ADAMTS19: variants seen among roughly 807,000 people sequenced by gnomAD.
ADAMTS19 encodes the protein ADAM metallopeptidase with thrombospondin type 1 motif 19.
ADAMTS19 carries 93 observed loss-of-function variants against 153.3 expected under a neutral mutation model. The observed-to-expected ratio is 0.61, with a 90% confidence interval of 0.51 to 0.72. The LOEUF is 0.72. Among genes scored for constraint, ADAMTS19 ranks in the 30% least tolerant of loss-of-function variants. The pLI, the probability that ADAMTS19 is intolerant of heterozygous loss-of-function variation, is 0.00. For missense variants in ADAMTS19, 1,482 were observed against 1,552.1 expected, an observed-to-expected ratio of 0.95 and a Z score of 0.76; for synonymous variants, 600 against 556.6, an observed-to-expected ratio of 1.08 and a Z score of -1.10.
At chr5:129,735,738 T>C (rs1030216418) in intron 22 of ADAMTS19, among the ~76,000 whole-genome samples, 1 of 152,034 alleles carries the variant, frequency 6.6e-6, no homozygotes, top group Non-Finnish European at 1.5e-5. Context: ...TAACCCATAA[T>C]TGAGAATTAG....
chr5:129,606,493 C>T (rs1054213801), intron 8 of ADAMTS19, among the ~76,000 whole-genome samples: 7 of 152,202 alleles, frequency 4.6e-5, no homozygotes, highest in Admixed American at 3.3e-4. Context: ...GGCTTGGACT[C>T]TTGCAGTATC....
chr5:129,722,288 C>G (rs904280387), intron 21 of ADAMTS19, among the ~76,000 whole-genome samples: 2 of 152,128 alleles, frequency 1.3e-5, no homozygotes, highest in African/African-American at 4.8e-5. Flanking sequence ...TTAATAATCA[C>G]CATTCTGACT....
intron 16 of ADAMTS19, among the ~76,000 whole-genome samples, chr5:129,672,934 T>TACA (rs1482493092): frequency 6.6e-6 from 1 of 152,122 alleles, no homozygotes; most frequent in Non-Finnish European, 1.5e-5. Context: ...TGGTAACTGT[T>TACA]ATCTTTAAGA....
At chr5:129,481,316 C>T (rs369544080) in intron 2 of ADAMTS19, among the ~76,000 whole-genome samples, 4 of 152,092 alleles carry the variant, frequency 2.6e-5, no homozygotes, top group African/African-American at 7.2e-5. Context: ...CTTGTGAGAA[C>T]GCCTTCACTA....
intron 9 of ADAMTS19, among the ~76,000 whole-genome samples, chr5:129,621,192 C>T (rs894001697): frequency 6.6e-6 from 1 of 152,080 alleles, no homozygotes; most frequent in African/African-American, 2.4e-5. Flanking sequence ...AAATAGTTTC[C>T]ACCATTATCA....
At chr5:129,489,779 A>G (rs146615626) in intron 2 of ADAMTS19, among the ~76,000 whole-genome samples, 129 of 152,210 alleles carry the variant, frequency 8.5e-4, no homozygotes, top group African/African-American at 3.0e-3. Flanking sequence ...TCCTCAAGTA[A>G]CTTGCTATGT....
intron 7 of ADAMTS19, among the ~76,000 whole-genome samples, chr5:129,579,404 T>C (rs1380688768): frequency 6.6e-6 from 1 of 152,228 alleles, no homozygotes; most frequent in East Asian, 1.9e-4. Context: ...TTCACTCTGA[T>C]GGTAGTTTCT....
intron 10 of ADAMTS19, among the ~76,000 whole-genome samples, chr5:129,637,183 C>A (rs1194688888): frequency 6.6e-6 from 1 of 152,102 alleles, no homozygotes; most frequent in Non-Finnish European, 1.5e-5. Flanking sequence ...TTTAATTATA[C>A]AGAAATTAAT....
intron 7 of ADAMTS19, among the ~76,000 whole-genome samples, chr5:129,559,719 C>A (rs1054138617): frequency 1.3e-5 from 2 of 152,084 alleles, no homozygotes; most frequent in Non-Finnish European, 2.9e-5. Flanking sequence ...ATATCCAAGT[C>A]CAAAGTTTAT....
At chr5:129,686,342 A>C (rs2127132560) in intron 18 of ADAMTS19, among the ~76,000 whole-genome samples, 1 of 152,256 alleles carries the variant, frequency 6.6e-6, no homozygotes, top group East Asian at 1.9e-4. Context: ...AAAGACAGTA[A>C]AATGGTGATA....
intron 13 of ADAMTS19, among the ~76,000 whole-genome samples, chr5:129,651,498 C>T (rs909233548): frequency 6.6e-6 from 1 of 152,160 alleles, no homozygotes; most frequent in Non-Finnish European, 1.5e-5. Context: ...TATGGCCAGG[C>T]TGACTTCCAT....
intron 21 of ADAMTS19, among the ~76,000 whole-genome samples, chr5:129,704,649 T>C (rs1386142820): frequency 1.3e-5 from 2 of 152,206 alleles, no homozygotes; most frequent in Non-Finnish European, 2.9e-5. Flanking sequence ...GCTGTCATTA[T>C]TGCTTTTTTG....
rs151172397 is a variant in ADAMTS19, at chr5:129,504,471, A to C, written c.748-4606A>C. 3.9e-5 allele frequency among the ~76,000 whole-genome samples: 6 copies of C among 152,326 alleles called. No individual in the cohort carries two copies. In the East Asian group the frequency reaches 9.6e-4, roughly 24 times the overall value. ...ACACTGTGCAAAGATTAAATCAATT[A>C]ATGTGTCTGTTATCTCACATACTTA... On this transcript the variant is annotated intron_variant, in intron 2 of 22. Coordinates refer to ENST00000274487, the MANE Select transcript of ADAMTS19 (RefSeq NM_133638.6).
At chr5:129,510,359 C>T (rs961081395) in intron 3 of ADAMTS19, among the ~76,000 whole-genome samples, 1 of 151,712 alleles carries the variant, frequency 6.6e-6, no homozygotes, top group Non-Finnish European at 1.5e-5. Flanking sequence ...TCTGTTACTT[C>T]TGTTTTCTTT....
intron 2 of ADAMTS19, among the ~76,000 whole-genome samples, chr5:129,463,359 G>T (rs1017763127): frequency 6.6e-6 from 1 of 152,078 alleles, no homozygotes; most frequent in Admixed American, 6.5e-5. Flanking sequence ...CAAACCTGCA[G>T]GTTGTGCACG....
At chr5:129,535,647 G>C (rs1016725064) in intron 6 of ADAMTS19, among the ~76,000 whole-genome samples, 12 of 152,116 alleles carry the variant, frequency 7.9e-5, no homozygotes, top group East Asian at 3.9e-4. Flanking sequence ...CATCACGCTA[G>C]CTGACTTCAA....
At chr5:129,544,619 A>C (rs1226767863) in intron 6 of ADAMTS19, among the ~76,000 whole-genome samples, 1 of 152,168 alleles carries the variant, frequency 6.6e-6, no homozygotes, top group Non-Finnish European at 1.5e-5. Context: ...AAAACAAAGC[A>C]AGTTCTGGCA....
At chr5:129,484,077 C>T (rs1033101918) in intron 2 of ADAMTS19, among the ~76,000 whole-genome samples, 3 of 152,118 alleles carry the variant, frequency 2.0e-5, no homozygotes, top group Non-Finnish European at 4.4e-5. Context: ...AAACATACTT[C>T]GTGAATTTTT....
chr5:129,565,168 A>C (rs1312551231), intron 7 of ADAMTS19, among the ~76,000 whole-genome samples: 1 of 152,166 alleles, frequency 6.6e-6, no homozygotes, highest in Non-Finnish European at 1.5e-5. Flanking sequence ...TTCATTATTT[A>C]ATCTCCCAAT....
Sources: allele counts gnomAD v4.1 joint callset (sites outside exome capture counted in the v4.1 genomes callset), GRCh38; gene constraint gnomAD v4.1.1; transcripts MANE v1.5; gene names NCBI Gene and HGNC (gene_info 2026-07-23, HGNC 2026-07-21).